The following IL22RA2 variants were observed in gnomAD, a reference collection of about 807,000 sequenced individuals.
The protein encoded by IL22RA2 is interleukin 22 receptor subunit alpha 2, also known as interleukin-22 receptor subunit alpha-2.
A neutral mutation model predicts 30.7 loss-of-function variants in IL22RA2; 39 were observed. The observed-to-expected ratio is 1.27, with a 90% CI of 0.98 to 1.66. The LOEUF is 1.66. Among genes scored for constraint, IL22RA2 ranks in the 40% most tolerant of loss-of-function variants. The pLI is 0.00. For missense variants in IL22RA2, 315 were observed against 312.7 expected, an observed-to-expected ratio of 1.01 and a Z score of -0.05; for synonymous variants, 103 against 105.0, an observed-to-expected ratio of 0.98 and a Z score of 0.11.
chr6:137,165,997 A>G (rs138812141), intron 1 of IL22RA2, among the ~76,000 whole-genome samples: 1 of 152,326 alleles, frequency 6.6e-6, no homozygotes, highest in African/African-American at 2.4e-5. Context: ...TGCTGATAGA[A>G]TGGGCGGAGC....
At chr6:137,152,403 A>G (rs939926975) in intron 5 of IL22RA2, among the ~76,000 whole-genome samples, 1 of 152,244 alleles carries the variant, frequency 6.6e-6, no homozygotes, top group Non-Finnish European at 1.5e-5. Context: ...AGAATGAAGT[A>G]CTGATACATA....
intron 1 of IL22RA2, among the ~76,000 whole-genome samples, chr6:137,169,334 TA>T (rs1397383290): frequency 1.3e-5 from 2 of 152,138 alleles, no homozygotes; most frequent in Non-Finnish European, 2.9e-5. Context: ...TGGTACCAAT[TA>T]GAAGCTCCAA....
At chr6:137,169,192 TA>T (rs368924747) in intron 1 of IL22RA2, among the ~76,000 whole-genome samples, 20 of 152,318 alleles carry the variant, frequency 1.3e-4, no homozygotes, top group African/African-American at 4.6e-4. Context: ...CAGAACCAGA[TA>T]GGGGAAACAA....
At chr6:137,169,892 T>C (rs1778696505) in intron 1 of IL22RA2, among the ~76,000 whole-genome samples, 1 of 152,212 alleles carries the variant, frequency 6.6e-6, no homozygotes, top group South Asian at 2.1e-4. Flanking sequence ...AAAGCTGTCA[T>C]GGAAATCACT....
chr6:137,156,212 C>T (rs1420459261), intron 4 of IL22RA2, among the ~76,000 whole-genome samples: 1 of 152,160 alleles, frequency 6.6e-6, no homozygotes, highest in Non-Finnish European at 1.5e-5. Flanking sequence ...GCTTTGTTTC[C>T]TTACCTGCCA....
intron 1 of IL22RA2, among the ~76,000 whole-genome samples, chr6:137,170,159 T>C (rs1158578069): frequency 2.6e-5 from 4 of 152,334 alleles, no homozygotes; most frequent in Non-Finnish European, 2.9e-5. Context: ...TACCAACTGG[T>C]ATCCCAAGAT....
At chr6:137,163,688 G>T (rs2045255714) in intron 1 of IL22RA2, among the ~76,000 whole-genome samples, 1 of 152,236 alleles carries the variant, frequency 6.6e-6, no homozygotes, top group South Asian at 2.1e-4. Context: ...AGTCTGACCC[G>T]AGGGGGTTGG....
At chr6:137,156,948 C>T (rs1394891527) in intron 3 of IL22RA2, 94 bp from the exon 4 acceptor site, 1 of 1,518,634 alleles carries the variant, frequency 6.6e-7, no homozygotes, top group Non-Finnish European at 9.0e-7. Flanking sequence ...AGAAACATTT[C>T]CATGACAAAT....
At chr6:137,155,584 C>T (rs1778388747) in intron 4 of IL22RA2, among the ~76,000 whole-genome samples, 1 of 151,864 alleles carries the variant, frequency 6.6e-6, no homozygotes, top group Non-Finnish European at 1.5e-5. Flanking sequence ...CTCAATAACA[C>T]ATTAATTCGT....
chr6:137,161,668 A>G, intron 2 of IL22RA2, 21 bp downstream of exon 2: 2 of 1,601,552 alleles, frequency 1.2e-6, no homozygotes, highest in Non-Finnish European at 1.7e-6. Context: ...ATGAGCAATT[A>G]AAAAGAAACA....
Position 137,145,557 on chromosome 6 carries a change from A to T in IL22RA2, c.*67T>A. On this transcript the variant is annotated 3_prime_UTR_variant, in exon 7 of 7. Coordinates refer to ENST00000296980, the MANE Select transcript of IL22RA2 (RefSeq NM_052962.3). The stretch of plus-strand genomic sequence containing the variant: ...AAACAATTTTAAATAAGATCCTTCA[A>T]ACACGAGTCATCCTGTTCTCAGGGA... 1 of 1,433,484 alleles carries T rather than the reference A, an allele frequency of 7.0e-7. No homozygotes were observed. The highest frequency in any genetic ancestry group is 9.5e-7 in the Non-Finnish European group (1 of 1,053,688). 88.8% of individuals were successfully genotyped at this position (1,433,484 alleles called of 1,614,324 possible). A position where few individuals can be genotyped will look rare whatever the true frequency, so the allele number is the denominator to read the frequency against.
At chr6:137,169,014 G>A (rs1264441199) in intron 1 of IL22RA2, among the ~76,000 whole-genome samples, 2 of 152,208 alleles carry the variant, frequency 1.3e-5, no homozygotes, top group Non-Finnish European at 2.9e-5. Context: ...TGTATGTGGA[G>A]GTGCTAATAT....
chr6:137,149,333 G>T (rs1490824064), intron 5 of IL22RA2, among the ~76,000 whole-genome samples: 36 of 152,110 alleles, frequency 2.4e-4, no homozygotes, highest in Admixed American at 2.3e-3. Flanking sequence ...TCTCTTAAAA[G>T]CATATTAAGC....
chr6:137,169,246 C>T (rs1778685711), intron 1 of IL22RA2, among the ~76,000 whole-genome samples: 1 of 152,230 alleles, frequency 6.6e-6, no homozygotes, highest in Non-Finnish European at 1.5e-5. Context: ...GAGAACAGAA[C>T]ACAATGGAGA....
chr6:137,166,222 C>T (rs1179288862), intron 1 of IL22RA2, among the ~76,000 whole-genome samples: 1 of 152,228 alleles, frequency 6.6e-6, no homozygotes, highest in Non-Finnish European at 1.5e-5. Flanking sequence ...CTGCCCTCTG[C>T]CGGCCGGAAC....
chr6:137,156,838 T>C lies in IL22RA2; in HGVS notation c.214A>G (p.Met72Val), dbSNP rs778561516. 3.4e-5 allele frequency: 55 copies of C among 1,613,624 alleles called. No individual in the cohort carries two copies. Among genetic ancestry groups the C allele is most frequent in the Middle Eastern group, 3.3e-4 (2 of 6,082 alleles). Reference sequence around the variant, plus strand: ...CTTGGCTTCTGGTGAGAGCTTTTCATGCTGCATGAGAACATGCTAGAGAAG... The same window carrying C: ...CTTGGCTTCTGGTGAGAGCTTTTCACGCTGCATGAGAACATGCTAGAGAAG... The part of the protein sequence containing the change: ...VQYKIMFSCS[M>V]KSSHQKPSGC... The change falls in exon 4 of 7, where the codon ATG becomes GTG. Residue 72 changes from methionine (M) to valine (V), a missense_variant. Met to Val is a conservative substitution (Grantham distance 21). Transcript: ENST00000296980.
intron 5 of IL22RA2, among the ~76,000 whole-genome samples, chr6:137,154,620 A>ACACACAC (rs1562269859): frequency 2.0e-5 from 3 of 148,516 alleles, no homozygotes; most frequent in South Asian, 4.3e-4. Flanking sequence ...GTCACACACA[A>ACACACAC]ACACACACAC....
At chr6:137,155,931 CA>C (rs1778397190) in intron 4 of IL22RA2, among the ~76,000 whole-genome samples, 1 of 152,112 alleles carries the variant, frequency 6.6e-6, no homozygotes, top group African/African-American at 2.4e-5. Flanking sequence ...GGTTTTTCTC[CA>C]CTTCTCATCA....
chr6:137,161,750 G>C lies in IL22RA2; in HGVS notation c.-1C>G. The C allele has an allele frequency of 2.5e-6, 4 of 1,613,054 alleles. No homozygotes were observed. Among genetic ancestry groups the C allele is most frequent in the Non-Finnish European group, 3.4e-6 (4 of 1,179,300 alleles). On this transcript the variant is annotated 5_prime_UTR_variant, in exon 2 of 7. Coordinates refer to ENST00000296980, the MANE Select transcript of IL22RA2 (RefSeq NM_052962.3). ...CTAGAAAGCAATGTTTAGGCATCAT[G>C]GTTGCAAGTGTGACTGTTCAGGCAA...
Sources: gnomAD v4.1 joint callset for allele counts (sites outside exome capture counted in the v4.1 genomes callset) on GRCh38, gnomAD v4.1.1 for gene constraint, MANE v1.5 for transcripts, NCBI Gene and HGNC (gene_info 2026-07-23, HGNC 2026-07-21) for gene names.